The following CACNA1A variants were observed in gnomAD, a reference collection of about 807,000 sequenced individuals.
CACNA1A encodes the protein voltage-dependent P/Q-type calcium channel subunit alpha-1A.
A neutral mutation model predicts 262.4 loss-of-function variants in CACNA1A; 57 were observed. That is an observed-to-expected ratio of 0.22 (90% confidence interval 0.18 to 0.27). CACNA1A has a LOEUF of 0.27. Among genes scored for constraint, CACNA1A ranks in the 10% least tolerant of loss-of-function variants. The pLI is 1.00. For synonymous variants in CACNA1A, 1,431 were observed against 1,419.3 expected (o/e 1.01, Z -0.18); for missense variants, 2,526 against 3,562.8 (o/e 0.71, Z 7.41).
At chr19:13,306,262 G>A (rs2057901317) in intron 15 of CACNA1A, among the ~76,000 whole-genome samples, 1 of 152,232 alleles carries the variant, frequency 6.6e-6, no homozygotes, top group Admixed American at 6.5e-5. Context: ...GGCTGGGCCA[G>A]TCCCAAGCCT....
chr19:13,426,221 A>G (rs1461264144), intron 3 of CACNA1A, among the ~76,000 whole-genome samples: 1 of 152,260 alleles, frequency 6.6e-6, no homozygotes, highest in African/African-American at 2.4e-5. Flanking sequence ...GTTATTGGAC[A>G]CTGATTATAA....
chr19:13,255,701 T>TTCCCTCCCTCCCTCCTTCCC (rs1364959323), intron 28 of CACNA1A, among the ~76,000 whole-genome samples: 1 of 65,970 alleles, frequency 1.5e-5, no homozygotes, highest in African/African-American at 6.2e-5. Context: ...TCCTCCCTCC[T>TTCCCTCCCTCCCTCCTTCCC]TCCTTCCCTC....
intron 3 of CACNA1A, among the ~76,000 whole-genome samples, chr19:13,422,476 T>G (rs1405833823): frequency 1.3e-5 from 2 of 152,206 alleles, no homozygotes; most frequent in Non-Finnish European, 2.9e-5. Flanking sequence ...TTATATTCTG[T>G]GTAGTAAAGA....
chr19:13,413,626 C>T (rs2060156718), intron 3 of CACNA1A, among the ~76,000 whole-genome samples: 1 of 144,176 alleles, frequency 6.9e-6, no homozygotes, highest in African/African-American at 2.5e-5. Context: ...ACCTGTTAAT[C>T]CCAACACTTT....
chr19:13,330,137 G>T, intron 10 of CACNA1A, 107 bp downstream of exon 10: 5 of 716,052 alleles, frequency 7.0e-6, no homozygotes, highest in South Asian at 5.2e-5. Context: ...GTGGAGCTGA[G>T]ACCCAAATCC....
In CACNA1A at chr19:13,262,837, T is replaced by C. The variant is rs753469829; in HGVS notation, c.3990-4A>G. The C allele has an allele frequency of 8.1e-6, 13 of 1,598,524 alleles. No homozygotes were observed. Among genetic ancestry groups the C allele is most frequent in the Non-Finnish European group, 1.1e-5 (13 of 1,167,326 alleles). ...GTCTTTTCCTTTGCTATTGCCACTG[T>C]GGAGGAATGTTTAGGTGGGAAGAAG... On this transcript the variant is annotated splice_polypyrimidine_tract_variant and splice_region_variant and intron_variant, in intron 24 of 46. Transcript: ENST00000360228.
chr19:13,236,807 G>C lies in CACNA1A; in HGVS notation c.4951-1077C>G, dbSNP rs1265075018. Among the ~76,000 whole-genome samples the C allele has an allele frequency of 6.6e-6, 1 of 152,056 alleles. No homozygotes were observed. Among genetic ancestry groups the C allele is most frequent in the East Asian group, 1.9e-4 (1 of 5,166 alleles). On this transcript the variant is annotated intron_variant, in intron 31 of 46. Transcript: ENST00000360228. This position sits in a 1 kb window ranked among gnomAD's most constrained non-coding sequence, Gnocchi z 4.6. ...ACTGCCTCTGCCTCCTCCCACCCAAGCTAGAAGAACCAGGGGGCCAGAGAG... is the reference window on the plus strand; with the variant it reads ...ACTGCCTCTGCCTCCTCCCACCCAACCTAGAAGAACCAGGGGGCCAGAGAG...
chr19:13,499,533 T>C (rs1010302274), intron 1 of CACNA1A, among the ~76,000 whole-genome samples: 5 of 150,638 alleles, frequency 3.3e-5, no homozygotes, highest in Admixed American at 2.0e-4. Context: ...GGAACCTAAA[T>C]GACTCCATAG....
chr19:13,348,813 C>T (rs549707101), intron 6 of CACNA1A, among the ~76,000 whole-genome samples: 8 of 151,882 alleles, frequency 5.3e-5, no homozygotes, highest in South Asian at 2.1e-4. Context: ...TCCAGCCTGG[C>T]GACAGAGCAA....
At position 13,207,858 on chromosome 19, in the gene CACNA1A, C is replaced by CCTGCTGCTGCTGCTG. The variant is rs16054; in HGVS notation, c.6961_6975dup (p.Gln2321_Gln2325dup). On this transcript the variant is annotated inframe_insertion, in exon 47 of 47. Coordinates refer to ENST00000360228, the MANE Select transcript of CACNA1A (RefSeq NM_001127222.2). The surrounding 1 kb of genome is among the most constrained non-coding windows in gnomAD (Gnocchi z 5.7). ...GCCGCCCGGCCCGGCCTGGCCACCG[C>CCTGCTGCTGCTGCTG]CTGCTGCTGCTGCTGCTGCTGCTGC... 348 of 1,431,836 alleles carry CCTGCTGCTGCTGCTG rather than the reference C, an allele frequency of 2.4e-4. 3 individuals carry two copies. In the East Asian group the frequency reaches 3.7e-3, roughly 15 times the overall value. 88.7% of individuals were successfully genotyped at this position (1,431,836 alleles called of 1,614,324 possible).
intron 3 of CACNA1A, among the ~76,000 whole-genome samples, chr19:13,428,847 C>A (rs899247363): frequency 2.0e-5 from 3 of 152,028 alleles, no homozygotes; most frequent in African/African-American, 7.2e-5. Context: ...ATATGTTCCC[C>A]CTGCTTCTTA....
At chr19:13,328,568 T>C (rs774021841) in intron 10 of CACNA1A, among the ~76,000 whole-genome samples, 170 of 152,286 alleles carry the variant, frequency 1.1e-3, no homozygotes, top group Non-Finnish European at 1.1e-3. Flanking sequence ...CTTTGAATAA[T>C]GAGTTGAAAA....
chr19:13,214,657 T>G lies in CACNA1A; in HGVS notation c.5732-49A>C. On this transcript the variant is annotated intron_variant, in intron 38 of 46. Coordinates refer to ENST00000360228, the MANE Select transcript of CACNA1A (RefSeq NM_001127222.2). The surrounding 1 kb of genome is among the most constrained non-coding windows in gnomAD (Gnocchi z 4.1). ...CCTGACTGCCTGCCTGGGTGTCAGC[T>G]GGACTCTGGGTCAGCTGCAAAGCCA... 1.4e-6 allele frequency: 2 copies of G among 1,443,084 alleles called. No homozygotes were observed. The highest frequency in any genetic ancestry group is 1.4e-5 in the African/African-American group (1 of 71,526). The allele number at this position is 1,443,084 out of a possible 1,614,324, so 89.4% of individuals were successfully genotyped here.
intron 6 of CACNA1A, among the ~76,000 whole-genome samples, chr19:13,337,182 C>G (rs2058592080): frequency 6.6e-6 from 1 of 152,196 alleles, no homozygotes; most frequent in Non-Finnish European, 1.5e-5. Flanking sequence ...TAACAAGGAA[C>G]CACAACCTAG....
intron 25 of CACNA1A, chr19:13,261,846 T>G: frequency 2.1e-6 from 1 of 485,326 alleles, no homozygotes; most frequent in South Asian, 3.1e-5. Flanking sequence ...CAGAGATGCT[T>G]TTAAGTGATA....
At chr19:13,457,182 G>T (rs1274651749) in intron 1 of CACNA1A, among the ~76,000 whole-genome samples, 1 of 151,984 alleles carries the variant, frequency 6.6e-6, no homozygotes, top group African/African-American at 2.4e-5. Context: ...GCCCCAGGAG[G>T]TTGAGGCTGC....
At chr19:13,480,961 C>A (rs1979223895) in intron 1 of CACNA1A, among the ~76,000 whole-genome samples, 1 of 152,206 alleles carries the variant, frequency 6.6e-6, no homozygotes, top group South Asian at 2.1e-4. Context: ...ACCGTGGACT[C>A]CGAATCTAGA....
Position 13,259,692 on chromosome 19 carries a change from G to A in CACNA1A, c.4260C>T (p.Tyr1420=). The A allele has an allele frequency of 1.2e-6, 2 of 1,611,390 alleles. No individual in the cohort carries two copies. The highest frequency in any genetic ancestry group is 2.2e-5 in the South Asian group (2 of 90,206). Residue 1420 remains tyrosine (Y), a synonymous_variant, in exon 27 of 47, where the codon TAC becomes TAT. Coordinates refer to ENST00000360228, the MANE Select transcript of CACNA1A (RefSeq NM_001127222.2). ...KEFEKDCRGK[Y]LLYEKNEVKA... ...TCACCTCATTCTTCTCGTAGAGGAG[G>A]TATTTGCCTCTGCCACAGAGAGTGG...
At chr19:13,429,753 G>A (rs891565293) in intron 3 of CACNA1A, among the ~76,000 whole-genome samples, 2 of 151,774 alleles carry the variant, frequency 1.3e-5, no homozygotes, top group African/African-American at 4.8e-5. Flanking sequence ...GCAAAGTGTG[G>A]TCCATCCACA....
Sources: gnomAD v4.1 joint callset for allele counts (sites outside exome capture counted in the v4.1 genomes callset) on GRCh38, gnomAD v4.1.1 for gene constraint, Gnocchi (gnomAD v3.1) non-coding constraint, MANE v1.5 for transcripts, NCBI Gene and HGNC (gene_info 2026-07-23, HGNC 2026-07-21) for gene names.